NRDC: variants seen among roughly 807,000 people sequenced by gnomAD.
NRDC encodes nardilysin convertase, also known as nardilysin.
A neutral mutation model predicts 147.1 loss-of-function variants in NRDC; 54 were observed. That is an observed-to-expected ratio of 0.37 (90% CI 0.29 to 0.46). The LOEUF (loss-of-function observed/expected upper bound fraction) is 0.46. Ranked by LOEUF, NRDC falls within the 20% of genes least tolerant of loss-of-function variation. The pLI is 1.00. For synonymous variants in NRDC, 440 were observed against 482.1 expected (o/e 0.91, Z 1.14); for missense variants, 1,082 against 1,370.6 (o/e 0.79, Z 3.33).
chr1:51,797,113 T>G (rs542111103), intron 22 of NRDC, among the ~76,000 whole-genome samples: 1 of 151,774 alleles, frequency 6.6e-6, no homozygotes, highest in Non-Finnish European at 1.5e-5. Context: ...GGCAGGAGAA[T>G]GGCGTGAACC....
At chr1:51,798,103 G>T in intron 22 of NRDC, 146 bp downstream of exon 22, 1 of 690,552 alleles carries the variant, frequency 1.4e-6, no homozygotes. Context: ...AAGCTGCCCA[G>T]CATCAGAGGG....
chr1:51,850,500 G>A (rs1681895746), intron 1 of NRDC, among the ~76,000 whole-genome samples: 1 of 152,128 alleles, frequency 6.6e-6, no homozygotes, highest in African/African-American at 2.4e-5. Flanking sequence ...AGAAATACAA[G>A]AAAATATTAA....
intron 4 of NRDC, among the ~76,000 whole-genome samples, chr1:51,832,960 T>C (rs1057434086): frequency 3.9e-5 from 6 of 152,200 alleles, no homozygotes; most frequent in African/African-American, 1.4e-4. Context: ...CTAAAAATCA[T>C]GTTTTATAAA....
Position 51,790,544 on chromosome 1 carries a change from G to T in NRDC, c.3157C>A (p.Leu1053Ile). The T allele has an allele frequency of 6.2e-7, 1 of 1,610,976 alleles. No homozygotes were observed. Among genetic ancestry groups the T allele is most frequent in the Non-Finnish European group, 8.5e-7 (1 of 1,177,160 alleles). ...VVTQQYLFDR[L>I]AHEIEALKSF... is the part of the protein sequence containing the mutation. ...GAAAACCATGTTACCTCGTGGGCAA[G>T]GCGGTCAAAGAGGTACTGCTGTGTA... is the stretch of plus-strand genomic sequence containing the variant. Residue 1053 changes from leucine (L) to isoleucine (I), a missense_variant, in exon 29 of 31, where the codon CTT (leucine) becomes ATT (isoleucine). This residue lies in a region of NRDC where 187 missense variants were observed against 193.6 expected (regional missense o/e 0.97). Transcript: ENST00000352171.
At chr1:51,796,913 G>GT (rs1263698081) in intron 22 of NRDC, among the ~76,000 whole-genome samples, 13 of 149,006 alleles carry the variant, frequency 8.7e-5, no homozygotes, top group Admixed American at 2.7e-4. Flanking sequence ...AAAGTGTGCA[G>GT]TTCAGGGCCA....
chr1:51,826,251 C>T (rs1406867725), intron 5 of NRDC, among the ~76,000 whole-genome samples: 3 of 152,160 alleles, frequency 2.0e-5, no homozygotes, highest in East Asian at 1.9e-4. Flanking sequence ...AGTTATCTAA[C>T]GTACCTGATT....
chr1:51,856,519 AACACTTACATTTACTGGTTT>A (rs1682250834), intron 1 of NRDC, among the ~76,000 whole-genome samples: 2 of 152,130 alleles, frequency 1.3e-5, no homozygotes, highest in Non-Finnish European at 2.9e-5. Flanking sequence ...AACTTTGGGA[AACACTTACATTTACTGGTTT>A]ATTGTAAAGG....
chr1:51,821,480 T>C lies in NRDC; in HGVS notation c.1217+18A>G, dbSNP rs753189551. ...TTTAACTCTGAAGGTGTATGATGTA[T>C]GAAAATAAATATCTTACTTGTTTGG... On this transcript the variant is annotated intron_variant, in intron 8 of 30. Coordinates refer to ENST00000352171, the MANE Select transcript of NRDC (RefSeq NM_001101662.2). 1.3e-6 allele frequency: 2 copies of C among 1,541,450 alleles called. No individual in the cohort carries two copies. The highest frequency in any genetic ancestry group is 1.1e-5 in the South Asian group (1 of 89,522).
intron 1 of NRDC, among the ~76,000 whole-genome samples, chr1:51,848,685 T>A (rs573304898): frequency 6.6e-6 from 1 of 152,300 alleles, no homozygotes; most frequent in African/African-American, 2.4e-5. Flanking sequence ...TAAGATTTTT[T>A]TAAAATCCCT....
intron 11 of NRDC, among the ~76,000 whole-genome samples, chr1:51,815,449 T>C (rs1679924593): frequency 6.6e-6 from 1 of 152,140 alleles, no homozygotes; most frequent in Non-Finnish European, 1.5e-5. Flanking sequence ...AAAGAAATAA[T>C]GAGACTATAC....
intron 28 of NRDC, 42 bp downstream of exon 28, chr1:51,790,858 T>C (rs1397677234): frequency 1.3e-6 from 2 of 1,513,616 alleles, no homozygotes; most frequent in African/African-American, 1.4e-5. Context: ...ATCTGGGGGC[T>C]TGTGTGGGCC....
chr1:51,828,561 T>G (rs896045602), intron 4 of NRDC, among the ~76,000 whole-genome samples: 9 of 152,162 alleles, frequency 5.9e-5, no homozygotes, highest in African/African-American at 2.2e-4. Context: ...TTATATAAAC[T>G]GTGATGTATC....
intron 1 of NRDC, among the ~76,000 whole-genome samples, chr1:51,848,383 G>A (rs569139591): frequency 4.5e-4 from 68 of 152,114 alleles, no homozygotes; most frequent in Non-Finnish European, 2.8e-4. Flanking sequence ...CAGGAGGCTG[G>A]GGCAGGAGAA....
Position 51,814,807 on chromosome 1 carries a change from C to G in NRDC, c.1446G>C (p.Trp482Cys). The G allele has an allele frequency of 6.3e-7, 1 of 1,588,526 alleles. No homozygotes were observed. The highest frequency in any genetic ancestry group is 8.5e-7 in the Non-Finnish European group (1 of 1,171,022). Residue 482 changes from tryptophan (W) to cysteine (C), a missense_variant, in exon 12 of 31, where the codon TGG (tryptophan) becomes TGC (cysteine). Coordinates refer to ENST00000352171, the MANE Select transcript of NRDC (RefSeq NM_001101662.2). ...SILSFLRKKC[W>C]ALALFGGNGE... Reference sequence around the variant, plus strand: ...CATTTCCACCAAACAGTGCAAGAGCCCAGCATCTACAGGTGGGGAAAAAAT... The same window carrying G: ...CATTTCCACCAAACAGTGCAAGAGCGCAGCATCTACAGGTGGGGAAAAAAT...
At chr1:51,817,940 T>C in intron 10 of NRDC, 126 bp downstream of exon 10, 1 of 670,774 alleles carries the variant, frequency 1.5e-6, no homozygotes, top group South Asian at 1.9e-5. Context: ...CCCGGAGTAA[T>C]CAAGTTCCAG....
At chr1:51,792,126 C>A (rs1678685934) in intron 25 of NRDC, 28 bp from the exon 26 acceptor site, 2 of 1,613,008 alleles carry the variant, frequency 1.2e-6, no homozygotes, top group Non-Finnish European at 1.7e-6. Flanking sequence ...GCCCATCAGC[C>A]CAACTCCTCC....
intron 1 of NRDC, among the ~76,000 whole-genome samples, chr1:51,840,849 T>C (rs939622068): frequency 5.3e-5 from 8 of 152,216 alleles, no homozygotes; most frequent in African/African-American, 9.6e-5. Context: ...GCCTCCCCTA[T>C]TTCTCAGTTT....
chr1:51,814,639 G>C, intron 12 of NRDC, 30 bp from the exon 13 acceptor site: 1 of 1,609,040 alleles, frequency 6.2e-7, no homozygotes, highest in East Asian at 2.2e-5. Flanking sequence ...TTAGTCTTTT[G>C]CATAAAGTGA....
chr1:51,863,527 A>G (rs1682656711), intron 1 of NRDC, among the ~76,000 whole-genome samples: 1 of 152,228 alleles, frequency 6.6e-6, no homozygotes, highest in Non-Finnish European at 1.5e-5. Flanking sequence ...AATCACAAGT[A>G]ATGGCAAGCT....
Sources: gnomAD v4.1 joint callset for allele counts (sites outside exome capture counted in the v4.1 genomes callset) on GRCh38, gnomAD v4.1.1 for gene constraint, gnomAD v4.1.1 regional missense constraint, MANE v1.5 for transcripts, NCBI Gene and HGNC (gene_info 2026-07-23, HGNC 2026-07-21) for gene names.